Variants in ATIC observed in about 807,000 individuals in gnomAD.
The protein encoded by ATIC is bifunctional purine biosynthesis protein ATIC.
In ATIC, 64 loss-of-function variants were observed where a neutral mutation model predicts 72.5. That is an observed-to-expected ratio of 0.88 (90% CI 0.72 to 1.09). The LOEUF is 1.09. Among genes scored for constraint, ATIC ranks in the 50% least tolerant of loss-of-function variants. ATIC has a pLI of 0.00. For synonymous variants in ATIC, 281 were observed against 267.1 expected (o/e 1.05, Z -0.51); for missense variants, 787 against 732.4 (o/e 1.07, Z -0.86).
intron 3 of ATIC, 125 bp from the exon 4 acceptor site, chr2:215,319,540 C>CA (rs2052744969): frequency 9.2e-6 from 7 of 757,728 alleles, no homozygotes; most frequent in African/African-American, 7.1e-5. Context: ...GAGACCATCT[C>CA]AAAAAAATAA....
intron 7 of ATIC, among the ~76,000 whole-genome samples, chr2:215,328,303 T>A (rs1019010315): frequency 1.3e-5 from 2 of 152,134 alleles, no homozygotes. Context: ...AGCACAGTAA[T>A]CTTTTAAAAA....
chr2:215,335,401 C>T (rs761469390), intron 10 of ATIC, among the ~76,000 whole-genome samples: 1 of 152,014 alleles, frequency 6.6e-6, no homozygotes, highest in Non-Finnish European at 1.5e-5. Flanking sequence ...GAATACCAAA[C>T]AGGTATTCCA....
intron 4 of ATIC, among the ~76,000 whole-genome samples, chr2:215,324,515 G>T (rs1183828090): frequency 6.6e-6 from 1 of 152,156 alleles, no homozygotes; most frequent in Non-Finnish European, 1.5e-5. Context: ...TAGGAGGGCA[G>T]TAGACTTAAT....
At chr2:215,331,901 C>T (rs2052898831) in intron 7 of ATIC, among the ~76,000 whole-genome samples, 1 of 152,122 alleles carries the variant, frequency 6.6e-6, no homozygotes, top group Non-Finnish European at 1.5e-5. Flanking sequence ...CACATTATTT[C>T]TTCTCTTCTT....
the ATIC span, chr2:215,362,237 T>A: frequency 3.0e-6 from 2 of 668,724 alleles, no homozygotes; most frequent in Non-Finnish European, 5.4e-6. Context: ...CATGCATTTA[T>A]AACTCTTAAT....
At chr2:215,338,732 G>A (rs2052983923) in intron 11 of ATIC, 47 bp from the exon 12 acceptor site, 1 of 1,583,952 alleles carries the variant, frequency 6.3e-7, no homozygotes. Flanking sequence ...TGAAAAATTT[G>A]AGGGAAGTGG....
intron 12 of ATIC, among the ~76,000 whole-genome samples, chr2:215,341,933 T>C (rs1313878659): frequency 6.6e-6 from 1 of 152,168 alleles, no homozygotes; most frequent in Non-Finnish European, 1.5e-5. Flanking sequence ...CTCAGGAATC[T>C]TATAATCATG....
chr2:215,357,273 C>A, the ATIC span, among the ~76,000 whole-genome samples: 3 of 152,288 alleles, frequency 2.0e-5, no homozygotes, highest in East Asian at 3.9e-4. Context: ...ATGGGAGACT[C>A]CTTGGCCTTT....
At chr2:215,362,343 C>T in the ATIC span, 2 of 469,304 alleles carry the variant, frequency 4.3e-6, no homozygotes, top group East Asian at 8.5e-5. Context: ...TCAAACCTTG[C>T]CCATCTGCTG....
chr2:215,343,001 G>T (rs2053035913), intron 12 of ATIC, among the ~76,000 whole-genome samples: 1 of 152,176 alleles, frequency 6.6e-6, no homozygotes, highest in Admixed American at 6.5e-5. Flanking sequence ...AATGCCCAGG[G>T]TTGTTAACTG....
intron 12 of ATIC, among the ~76,000 whole-genome samples, chr2:215,340,453 A>G (rs902054799): frequency 6.6e-6 from 1 of 152,198 alleles, no homozygotes. Flanking sequence ...AGTACTTTGC[A>G]GGAATCATTC....
At chr2:215,347,028 A>G in intron 14 of ATIC, 87 bp downstream of exon 14, 1 of 1,451,702 alleles carries the variant, frequency 6.9e-7, no homozygotes, top group South Asian at 1.2e-5. Flanking sequence ...ATCACCACAC[A>G]GAGAAAAAGA....
Position 215,338,824 on chromosome 2 carries a change from T to C in ATIC, c.1144T>C (p.Phe382Leu). ...KPDENEVRTL[F>L]GLHLSQKRNN... ...AGATGAAAATGAAGTTCGAACTCTC[T>C]TTGGTCTTCATTTAAGCCAGAAGAG... The change falls in exon 12 of 16, where the codon TTT (phenylalanine) becomes CTT (leucine). Residue 382 changes from phenylalanine (F) to leucine (L), a missense_variant. Physicochemically the swap from Phe to Leu is conservative, Grantham distance 22 (BLOSUM62 0). Transcript: ENST00000236959. 2 of 1,613,948 alleles carry C rather than the reference T, an allele frequency of 1.2e-6. No individual in the cohort carries two copies. The highest frequency in any genetic ancestry group is 1.7e-6 in the Non-Finnish European group (2 of 1,179,908).
downstream of ATIC, among the ~76,000 whole-genome samples, chr2:215,353,309 A>C (rs1180030208): frequency 6.6e-6 from 1 of 152,112 alleles, no homozygotes; most frequent in Non-Finnish European, 1.5e-5. Context: ...ATAAGCTAAA[A>C]GCTTTAACTC....
Position 215,329,921 on chromosome 2 carries a change from C to T in ATIC, c.689-2461C>T, listed in dbSNP as rs2052871465. 2.0e-5 allele frequency among the ~76,000 whole-genome samples: 3 copies of T among 152,088 alleles called. No individual in the cohort carries two copies. In the South Asian group the frequency reaches 6.2e-4, roughly 32 times the overall value. ...GGATTACAGGCATGTACCACCAGGC[C>T]CAGCTAATTTTTGTATTTTTAGTAA... is the stretch of plus-strand genomic sequence containing the variant. On this transcript the variant is annotated intron_variant, in intron 7 of 15. Transcript: ENST00000236959.
Position 215,326,110 on chromosome 2 carries a change from T to G in ATIC, c.503T>G (p.Leu168Trp), listed in dbSNP as rs762459999. 1 of 1,614,086 alleles carries G rather than the reference T, an allele frequency of 6.2e-7. No individual in the cohort carries two copies. The highest frequency in any genetic ancestry group is 1.1e-5 in the South Asian group (1 of 91,084). ...AGCTCCGAGAGTAAGGACACCTCCT[T>G]GGAGACTAGACGCCAGTTAGCCTTG... is the stretch of plus-strand genomic sequence containing the variant. ...MQSSESKDTS[L>W]ETRRQLALKA... The change falls in exon 6 of 16, where the codon TTG becomes TGG. Residue 168 changes from leucine (L) to tryptophan (W), a missense_variant. Leu to Trp is a moderately conservative substitution (Grantham distance 61, BLOSUM62 -2). Coordinates refer to ENST00000236959, the MANE Select transcript of ATIC (RefSeq NM_004044.7).
the ATIC span, chr2:215,362,232 AT>A: frequency 1.5e-6 from 1 of 677,884 alleles, no homozygotes; most frequent in Non-Finnish European, 2.7e-6. Flanking sequence ...GATTTCATGC[AT>A]TTATAACTCT....
chr2:215,335,241 A>G (rs2052942036), intron 10 of ATIC, among the ~76,000 whole-genome samples: 2 of 152,132 alleles, frequency 1.3e-5, no homozygotes, highest in South Asian at 2.1e-4. Flanking sequence ...TTACTTATAT[A>G]TTTATTTTAA....
At chr2:215,329,332 C>T (rs1276410716) in intron 7 of ATIC, among the ~76,000 whole-genome samples, 1 of 152,126 alleles carries the variant, frequency 6.6e-6, no homozygotes, top group Non-Finnish European at 1.5e-5. Context: ...CTTCATTGTT[C>T]CTTAGACTGT....
Sources: allele counts gnomAD v4.1 joint callset (sites outside exome capture counted in the v4.1 genomes callset), GRCh38; gene constraint gnomAD v4.1.1; transcripts MANE v1.5; gene names NCBI Gene and HGNC (gene_info 2026-07-23, HGNC 2026-07-21).